FAM228B: variants seen among roughly 807,000 people sequenced by gnomAD.
FAM228B encodes family with sequence similarity 228 member B, also known as protein FAM228B.
In FAM228B, 38 loss-of-function variants were observed where a neutral mutation model predicts 42.6. The ratio of observed to expected loss-of-function variants is 0.89; its 90% confidence interval spans 0.69 to 1.17. The LOEUF (loss-of-function observed/expected upper bound fraction) is 1.17. FAM228B is among the 50% of genes most tolerant of loss of function. The pLI, the probability that FAM228B is intolerant of heterozygous loss-of-function variation, is 0.00. For missense variants in FAM228B, 344 were observed against 367.3 expected (o/e 0.94, Z 0.52); for synonymous variants, 109 against 122.3 (o/e 0.89, Z 0.72).
intron 3 of FAM228B, among the ~76,000 whole-genome samples, chr2:24,113,491 G>A (rs1373679717): frequency 1.3e-5 from 2 of 152,166 alleles, no homozygotes; most frequent in East Asian, 1.9e-4. Context: ...CATCGCTTGA[G>A]CTTAGGAGAT....
In FAM228B at chr2:24,138,054, G is replaced by A. The variant is rs1666646206; in HGVS notation, c.314G>A (p.Arg105Lys). 5.2e-6 allele frequency: 8 copies of A among 1,540,022 alleles called. No individual in the cohort carries two copies. Among genetic ancestry groups the A allele is most frequent in the Non-Finnish European group, 7.0e-6 (8 of 1,144,480 alleles). Residue 105 changes from arginine (R) to lysine (K), a missense_variant, in exon 4 of 11, where the codon AGG (arginine) becomes AAG (lysine). By Grantham distance (26) the Arg-to-Lys change is conservative. Transcript: ENST00000615575. The part of the protein sequence containing the change: ...KVCSHKKIKK[R>K]RQGELDGFLK... ...TGCTCACATAAGAAGATTAAAAAAAGGAGGCAAGGGGAATTAGATGGCTTT... is the reference window on the plus strand; with the variant it reads ...TGCTCACATAAGAAGATTAAAAAAAAGAGGCAAGGGGAATTAGATGGCTTT...
At position 24,128,045 on chromosome 2, in the gene FAM228B, G is replaced by A. The variant is rs549282266; in HGVS notation, c.99+3585G>A. Among the ~76,000 whole-genome samples the A allele has an allele frequency of 1.6e-3, 240 of 152,238 alleles. 1 individual carries two copies. The highest frequency in any genetic ancestry group is 2.6e-3 in the Non-Finnish European group (178 of 68,030). ...ACAATAACCTGCTTGAAATTGTCCT[G>A]TAGCTCACTGATATTCTGGTAATTT... On this transcript the variant is annotated intron_variant, in intron 2 of 10. Transcript: ENST00000615575.
At chr2:24,167,797 T>C in intron 10 of FAM228B, 114 bp downstream of exon 10, 1 of 1,253,158 alleles carries the variant, frequency 8.0e-7, no homozygotes, top group East Asian at 2.6e-5. Context: ...AGAGAAATAA[T>C]GGGTGGGTAG....
chr2:24,157,247 A>G (rs1404653478), intron 7 of FAM228B, among the ~76,000 whole-genome samples: 1 of 152,136 alleles, frequency 6.6e-6, no homozygotes, highest in Admixed American at 6.6e-5. Flanking sequence ...GGCCTATTAT[A>G]TGGTCTATCT....
chr2:24,167,812 G>GAACT, intron 10 of FAM228B, 129 bp downstream of exon 10: 1 of 1,047,846 alleles, frequency 9.5e-7, no homozygotes, highest in Non-Finnish European at 1.4e-6. Context: ...GGGTAGGAAA[G>GAACT]TTCTTACCTA....
chr2:24,160,210 G>A (rs756835881), intron 7 of FAM228B, among the ~76,000 whole-genome samples: 2 of 151,890 alleles, frequency 1.3e-5, no homozygotes, highest in African/African-American at 4.8e-5. Flanking sequence ...GGCTGGTCTC[G>A]AACTCCTGGA....
chr2:24,084,281 A>T lies in FAM228B; in HGVS notation c.-210+3326A>T. The T allele has an allele frequency of 6.2e-7, 1 of 1,614,094 alleles. No homozygotes were observed. The highest frequency in any genetic ancestry group is 8.5e-7 in the Non-Finnish European group (1 of 1,179,990). ...CTCGGCTTGGCCACCTCCTTCACGT[A>T]GAGGTTTTCCGGTCCTCCCGGCTTG... On this transcript the variant is annotated intron_variant, in intron 2 of 10. Coordinates refer to the FAM228B transcript ENST00000613899. The surrounding 1 kb of genome is among the most constrained non-coding windows in gnomAD (Gnocchi z 8.4).
intron 7 of FAM228B, among the ~76,000 whole-genome samples, chr2:24,157,213 T>TA: frequency 6.6e-6 from 1 of 152,210 alleles, no homozygotes; most frequent in Non-Finnish European, 1.5e-5. Flanking sequence ...TTGATTTTCT[T>TA]AAATTTACTG....
At chr2:24,159,609 G>A (rs1350935107) in intron 7 of FAM228B, among the ~76,000 whole-genome samples, 2 of 152,176 alleles carry the variant, frequency 1.3e-5, no homozygotes. Context: ...TAGGAGTTCG[G>A]TACAGTTCTG....
chr2:24,088,275 A>G (rs1158286771), intron 2 of FAM228B, among the ~76,000 whole-genome samples: 1 of 152,188 alleles, frequency 6.6e-6, no homozygotes, highest in African/African-American at 2.4e-5. Flanking sequence ...CCATGGGGAC[A>G]GAGACTCCTG....
chr2:24,094,491 T>C (rs765808941), intron 2 of FAM228B, among the ~76,000 whole-genome samples: 1 of 152,134 alleles, frequency 6.6e-6, no homozygotes, highest in Non-Finnish European at 1.5e-5. Context: ...ACAGGCTTTT[T>C]CCCCCTCCCG....
chr2:24,104,002 T>C (rs375152902), intron 3 of FAM228B, among the ~76,000 whole-genome samples: 3 of 152,226 alleles, frequency 2.0e-5, no homozygotes, highest in African/African-American at 4.8e-5. Flanking sequence ...TGTGTGCTGC[T>C]GTTTTGGAGA....
At chr2:24,150,112 A>C (rs1666991904) in intron 7 of FAM228B, among the ~76,000 whole-genome samples, 1 of 66,768 alleles carries the variant, frequency 1.5e-5, no homozygotes, top group African/African-American at 3.6e-5. Flanking sequence ...CTTTCTATTT[A>C]ATAAGATAAG....
intron 3 of FAM228B, among the ~76,000 whole-genome samples, chr2:24,104,050 G>A (rs1302939528): frequency 6.6e-6 from 1 of 152,170 alleles, no homozygotes; most frequent in East Asian, 1.9e-4. Context: ...GCTGCAGGCC[G>A]ATCATCTGAA....
chr2:24,160,136 T>C (rs941299448), intron 7 of FAM228B, among the ~76,000 whole-genome samples: 2 of 152,016 alleles, frequency 1.3e-5, no homozygotes, highest in African/African-American at 4.8e-5. Context: ...ACTACAGGCA[T>C]GCACCACTAC....
intron 7 of FAM228B, among the ~76,000 whole-genome samples, chr2:24,156,746 TACCAGAC>T: frequency 6.6e-6 from 1 of 151,168 alleles, no homozygotes; most frequent in Middle Eastern, 3.5e-3. Flanking sequence ...AGCTCTGATG[TACCAGAC>T]ACTGTTATAC....
intron 3 of FAM228B, 34 bp from the exon 4 acceptor site, chr2:24,137,875 T>C: frequency 7.0e-7 from 1 of 1,433,520 alleles, no homozygotes; most frequent in South Asian, 1.4e-5. Context: ...AGCTTTAGGA[T>C]AATATATTTG....
intron 5 of FAM228B, among the ~76,000 whole-genome samples, chr2:24,144,702 C>T (rs1234167696): frequency 6.6e-6 from 1 of 152,120 alleles, no homozygotes; most frequent in Non-Finnish European, 1.5e-5. Context: ...GGGGCCACGG[C>T]TCACTTTCTT....
intron 2 of FAM228B, 30 bp downstream of exon 2, chr2:24,124,490 A>AT (rs1666252232): frequency 4.9e-6 from 7 of 1,422,256 alleles, no homozygotes; most frequent in South Asian, 1.3e-5. Flanking sequence ...GGATTTGGAG[A>AT]TTTTTTTACT....
Sources: allele counts gnomAD v4.1 joint callset (sites outside exome capture counted in the v4.1 genomes callset), GRCh38; gene constraint gnomAD v4.1.1; non-coding constraint Gnocchi (gnomAD v3.1); transcripts MANE v1.5; gene names NCBI Gene and HGNC (gene_info 2026-07-23, HGNC 2026-07-21).